Variants in KCNQ1 observed in about 807,000 individuals in gnomAD.
KCNQ1 encodes the protein potassium voltage-gated channel subfamily KQT member 1.
Under a neutral mutation model 72.4 loss-of-function variants are expected in KCNQ1, and 49 were observed. The ratio of observed to expected loss-of-function variants is 0.68; its 90% CI spans 0.54 to 0.86. KCNQ1 has a LOEUF of 0.86. Among genes scored for constraint, KCNQ1 ranks in the 40% least tolerant of loss-of-function variants. The pLI is 0.00. For missense variants in KCNQ1, 790 were observed against 945.1 expected, an observed-to-expected ratio of 0.84 and a Z score of 2.15; for synonymous variants, 450 against 412.6, an observed-to-expected ratio of 1.09 and a Z score of -1.10.
intron 10 of KCNQ1, chr11:2,622,518 G>A: frequency 5.0e-6 from 2 of 398,326 alleles, no homozygotes; most frequent in Non-Finnish European, 4.4e-6. Context: ...TCTGCTTTTT[G>A]GAGAATTTAA....
chr11:2,777,606 T>G, intron 14 of KCNQ1: 1 of 429,560 alleles, frequency 2.3e-6, no homozygotes, highest in South Asian at 2.7e-5. Flanking sequence ...TGTGGGCTGG[T>G]GTAACGGAGC....
In KCNQ1 at chr11:2,815,583, G is replaced by T. The variant is rs1847596985; in HGVS notation, c.1795-32184G>T. On this transcript the variant is annotated intron_variant, in intron 15 of 15. Coordinates refer to ENST00000155840, the MANE Select transcript of KCNQ1 (RefSeq NM_000218.3). This position sits in a 1 kb window ranked among gnomAD's most constrained non-coding sequence, Gnocchi z 5.4. ...CAGGGTGTCCTGTTGTAGTTGCCAA[G>T]CCCAAGAAAGATGAGGCACCCAGGA... 6.6e-6 allele frequency among the ~76,000 whole-genome samples: 1 copy of T among 152,170 alleles called. No homozygotes were observed. Among genetic ancestry groups the T allele is most frequent in the Admixed American group, 6.5e-5 (1 of 15,288 alleles).
intron 10 of KCNQ1, chr11:2,633,055 C>T (rs747550913): frequency 2.3e-5 from 9 of 398,314 alleles, no homozygotes; most frequent in Non-Finnish European, 4.0e-5. Flanking sequence ...TTTCCCTTTT[C>T]TCTGCATCCT....
Position 2,651,029 on chromosome 11 carries a change from T to A in KCNQ1, c.1394-10932T>A, listed in dbSNP as rs1022318743. 2.5e-6 allele frequency: 1 copy of A among 398,676 alleles called. No individual in the cohort carries two copies. The highest frequency in any genetic ancestry group is 2.1e-5 in the African/African-American group (1 of 48,654). The allele number at this position is 398,676 out of a possible 1,614,324, so 24.7% of individuals were successfully genotyped here. A position where few individuals can be genotyped will look rare whatever the true frequency, so the allele number is the denominator to read the frequency against. ...CTAGTCTCTCCAGCTATCTCCCTGG[T>A]TAAAACCACCACCATTTCTCTGCCT... On this transcript the variant is annotated intron_variant, in intron 10 of 15. Coordinates refer to ENST00000155840, the MANE Select transcript of KCNQ1 (RefSeq NM_000218.3). The surrounding 1 kb of genome is among the most constrained non-coding windows in gnomAD (Gnocchi z 6.1).
chr11:2,667,282 A>T (rs1050439681), intron 11 of KCNQ1: 11 of 398,468 alleles, frequency 2.8e-5, no homozygotes, highest in Admixed American at 4.4e-5. Flanking sequence ...GGCTGCTGCT[A>T]TGGGGAGAGG....
At chr11:2,776,400 C>T (rs1270073342) in intron 13 of KCNQ1, among the ~76,000 whole-genome samples, 1 of 152,194 alleles carries the variant, frequency 6.6e-6, no homozygotes, top group Non-Finnish European at 1.5e-5. Flanking sequence ...GGACACTCGG[C>T]AGCCAGCCCA....
Position 2,624,876 on chromosome 11 carries a change from A to AT in KCNQ1, c.1393+36023dup. The AT allele has an allele frequency of 2.5e-6, 1 of 398,536 alleles. No homozygotes were observed. Among genetic ancestry groups the AT allele is most frequent in the Non-Finnish European group, 4.4e-6 (1 of 226,054 alleles). The allele number at this position is 398,536 out of a possible 1,614,324, so 24.7% of individuals were successfully genotyped here. A position where few individuals can be genotyped will look rare whatever the true frequency, so the allele number is the denominator to read the frequency against. On this transcript the variant is annotated intron_variant, in intron 10 of 15. Transcript: ENST00000155840. The surrounding 1 kb of genome is among the most constrained non-coding windows in gnomAD (Gnocchi z 4.9). The stretch of plus-strand genomic sequence containing the variant: ...TGACTGCTGTATTTCATTTAACATA[A>AT]TGGCCTCGAGGTTCATCCATGTTGT...
chr11:2,504,689 G>A (rs1047177708), intron 1 of KCNQ1, among the ~76,000 whole-genome samples: 24 of 152,188 alleles, frequency 1.6e-4, no homozygotes, highest in African/African-American at 5.3e-4. Context: ...CTCAGGAGGC[G>A]GAGGTTGCAG....
rs867350936 is a variant in KCNQ1 at position 2,759,598 on chromosome 11, G to C, written c.1515-9246G>C. On this transcript the variant is annotated intron_variant, in intron 11 of 15. Transcript: ENST00000155840. This position sits in a 1 kb window ranked among gnomAD's most constrained non-coding sequence, Gnocchi z 4.4. ...CCCAGCATGTGGGAAGGAAGGGAGC[G>C]AGCTCTTATTTCCTTATTTTCTTTC... 1.3e-5 allele frequency among the ~76,000 whole-genome samples: 2 copies of C among 152,214 alleles called. No homozygotes were observed. Among genetic ancestry groups the C allele is most frequent in the Admixed American group, 1.3e-4 (2 of 15,280 alleles).
chr11:2,612,141 C>G lies in KCNQ1; in HGVS notation c.1393+23287C>G. Reference sequence around the variant, plus strand: ...GCCATGGACTGGTACCAGTCTGTGGCCTATTAGAAACTGGGCTACACAGCA... The same window carrying G: ...GCCATGGACTGGTACCAGTCTGTGGGCTATTAGAAACTGGGCTACACAGCA... On this transcript the variant is annotated intron_variant, in intron 10 of 15. Transcript: ENST00000155840. This position sits in a 1 kb window ranked among gnomAD's most constrained non-coding sequence, Gnocchi z 5.5. 5.0e-6 allele frequency: 2 copies of G among 398,620 alleles called. No individual in the cohort carries two copies. The highest frequency in any genetic ancestry group is 8.8e-6 in the Non-Finnish European group (2 of 226,070). The allele number at this position is 398,620 out of a possible 1,614,324, so 24.7% of individuals were successfully genotyped here.
At chr11:2,736,084 G>A (rs1193523830) in intron 11 of KCNQ1, among the ~76,000 whole-genome samples, 4 of 152,120 alleles carry the variant, frequency 2.6e-5, no homozygotes, top group African/African-American at 9.7e-5. Context: ...TGGGGTTGGG[G>A]GGTGGTCCTT....
Position 2,677,190 on chromosome 11 carries a change from G to C in KCNQ1, c.1514+15109G>C, listed in dbSNP as rs1850308676. On this transcript the variant is annotated intron_variant, in intron 11 of 15. Transcript: ENST00000155840. The surrounding 1 kb of genome is among the most constrained non-coding windows in gnomAD (Gnocchi z 4.5). ...TCTTATCCCTACTTGTATCTCTGCT[G>C]ACTGACCTCTTTGGCTGTCTCTTGT... 2.5e-6 allele frequency: 1 copy of C among 398,540 alleles called. No homozygotes were observed. The highest frequency in any genetic ancestry group is 4.4e-6 in the Non-Finnish European group (1 of 226,064). The allele number at this position is 398,540 out of a possible 1,614,324, so 24.7% of individuals were successfully genotyped here.
At chr11:2,732,317 G>T (rs1674795884) in intron 11 of KCNQ1, among the ~76,000 whole-genome samples, 2 of 152,172 alleles carry the variant, frequency 1.3e-5, no homozygotes, top group South Asian at 4.1e-4. Context: ...AAAACAAGCT[G>T]CCCCGTGGGC....
Position 2,495,189 on chromosome 11 carries a change from C to T in KCNQ1, c.387-32739C>T, listed in dbSNP as rs2133633480. Among the ~76,000 whole-genome samples, 1 of 152,214 alleles carries T rather than the reference C, an allele frequency of 6.6e-6. No homozygotes were observed. The highest frequency in any genetic ancestry group is 2.1e-4 in the South Asian group (1 of 4,824). On this transcript the variant is annotated intron_variant, in intron 1 of 15. Transcript: ENST00000155840. The surrounding 1 kb of genome is among the most constrained non-coding windows in gnomAD (Gnocchi z 4.6). ...TCTGTGGGATCAGTGGTGATATCCCCTTTATCATTTTTTATTGCATCTATT... is the reference window on the plus strand; with the variant it reads ...TCTGTGGGATCAGTGGTGATATCCCTTTTATCATTTTTTATTGCATCTATT...
chr11:2,755,378 G>A (rs1268867363), intron 11 of KCNQ1, among the ~76,000 whole-genome samples: 1 of 152,148 alleles, frequency 6.6e-6, no homozygotes, highest in East Asian at 1.9e-4. Context: ...AACTTCCTGA[G>A]TAGCTGGGAC....
At chr11:2,573,061 T>A in intron 6 of KCNQ1, 75 bp downstream of exon 6, 1 of 1,543,758 alleles carries the variant, frequency 6.5e-7, no homozygotes, top group South Asian at 1.2e-5. Flanking sequence ...TGGGCACTGG[T>A]GTCTTGAGAC....
chr11:2,662,068 A>G lies in KCNQ1; in HGVS notation c.1501A>G (p.Thr501Ala), dbSNP rs749196110. The change falls in exon 11 of 16, where the codon ACC becomes GCC. Residue 501 changes from threonine to alanine, a missense_variant. By Grantham distance (58) the Thr-to-Ala change is moderately conservative. This residue lies in a region of KCNQ1 where 178 missense variants were observed against 177.9 expected (regional missense o/e 1.00). Transcript: ENST00000155840. ...LEGETLLTPI[T>A]HISQLREHHR... Reference sequence around the variant, plus strand: ...AGGGGAGACTCTGCTGACACCCATCACCCACATCTCACAGTGAGTGCCTAC... The same window carrying G: ...AGGGGAGACTCTGCTGACACCCATCGCCCACATCTCACAGTGAGTGCCTAC... 1 of 1,614,154 alleles carries G rather than the reference A, an allele frequency of 6.2e-7. No homozygotes were observed. Among genetic ancestry groups the G allele is most frequent in the South Asian group, 1.1e-5 (1 of 91,084 alleles).
rs1846410666 is a variant in KCNQ1 at position 2,762,256 on chromosome 11, TA to T, written c.1515-6587del. Among the ~76,000 whole-genome samples, 2 of 152,358 alleles carry T rather than the reference TA, an allele frequency of 1.3e-5. No individual in the cohort carries two copies. Among genetic ancestry groups the T allele is most frequent in the Admixed American group, 1.3e-4 (2 of 15,310 alleles). ...TCAAATAGTTTTCTGTTACAGTTCA[TA>T]CTGTTTGCGTTCCTTTAAAGACGTC... On this transcript the variant is annotated intron_variant, in intron 11 of 15. Coordinates refer to ENST00000155840, the MANE Select transcript of KCNQ1 (RefSeq NM_000218.3). The surrounding 1 kb of genome is among the most constrained non-coding windows in gnomAD (Gnocchi z 4.3).
chr11:2,813,075 G>A lies in KCNQ1; in HGVS notation c.1795-34692G>A, dbSNP rs1345825103. ...CAGAAGCTCTGAGAAGACAGAGCTG[G>A]CCAGCACCATCTCTCCTGTGAGAAC... On this transcript the variant is annotated intron_variant, in intron 15 of 15. Transcript: ENST00000155840. This position sits in a 1 kb window ranked among gnomAD's most constrained non-coding sequence, Gnocchi z 4.4. Among the ~76,000 whole-genome samples, 1 of 152,234 alleles carries A rather than the reference G, an allele frequency of 6.6e-6. No individual in the cohort carries two copies. The highest frequency in any genetic ancestry group is 2.4e-5 in the African/African-American group (1 of 41,462).
Sources: allele counts gnomAD v4.1 joint callset (sites outside exome capture counted in the v4.1 genomes callset), GRCh38; gene constraint gnomAD v4.1.1; regional missense constraint gnomAD v4.1.1; non-coding constraint Gnocchi (gnomAD v3.1); transcripts MANE v1.5; gene names NCBI Gene and HGNC (gene_info 2026-07-23, HGNC 2026-07-21).